Variants in TYW1 observed in about 807,000 individuals in gnomAD.
TYW1 encodes S-adenosyl-L-methionine-dependent tRNA 4-demethylwyosine synthase TYW1.
Under a neutral mutation model 96.2 loss-of-function variants are expected in TYW1, and 46 were observed. The observed-to-expected ratio is 0.48, with a 90% CI of 0.38 to 0.61. The LOEUF (loss-of-function observed/expected upper bound fraction) is 0.61, where lower values mean the gene tolerates loss of function less well. Among genes scored for constraint, TYW1 ranks in the 20% least tolerant of loss-of-function variants. The pLI is 0.00. For missense variants in TYW1, 684 were observed against 909.6 expected (o/e 0.75, Z 3.19); for synonymous variants, 274 against 323.0 (o/e 0.85, Z 1.63).
rs779910960 is a variant in TYW1, at chr7:67,209,376, G to A, written c.1977+14039G>A. Among the ~76,000 whole-genome samples, 4 of 152,136 alleles carry A rather than the reference G, an allele frequency of 2.6e-5. No homozygotes were observed. In the East Asian group the frequency reaches 5.8e-4, roughly 22 times the overall value. The stretch of plus-strand genomic sequence containing the variant: ...AATGTAACCTTGGTCCTATCAGTCT[G>A]GAAATTAATTAGACCATGACAATCC... On this transcript the variant is annotated intron_variant, in intron 15 of 15. Coordinates refer to ENST00000359626, the MANE Select transcript of TYW1 (RefSeq NM_018264.4).
intron 15 of TYW1, among the ~76,000 whole-genome samples, chr7:67,210,712 A>G (rs1800975478): frequency 1.1e-5 from 1 of 88,144 alleles, no homozygotes; most frequent in Admixed American, 1.1e-4. Context: ...CCATCCATTC[A>G]TCATCTGTAT....
At chr7:67,172,430 C>CTTTTTTTTTTTTTTTT (rs1554383811) in intron 13 of TYW1, among the ~76,000 whole-genome samples, 3 of 143,976 alleles carry the variant, frequency 2.1e-5, no homozygotes, top group Non-Finnish European at 4.6e-5. Context: ...CCTTACCATT[C>CTTTTTTTTTTTTTTTT]TTTTTTTTGA....
chr7:67,057,055 G>T, intron 9 of TYW1, among the ~76,000 whole-genome samples: 1 of 144,262 alleles, frequency 6.9e-6, no homozygotes. Context: ...TCGCTCTGTT[G>T]CCATCCTGGA....
intron 3 of TYW1, among the ~76,000 whole-genome samples, chr7:67,005,703 T>C (rs1209951505): frequency 3.3e-5 from 5 of 152,194 alleles, no homozygotes; most frequent in Admixed American, 2.6e-4. Context: ...CTGACTCCAG[T>C]GTACTCTCAA....
intron 15 of TYW1, among the ~76,000 whole-genome samples, chr7:67,224,152 A>G (rs1192227786): frequency 6.6e-6 from 1 of 152,180 alleles, no homozygotes; most frequent in Admixed American, 6.5e-5. Flanking sequence ...TTTGAGACAG[A>G]GTTTCGCTCT....
chr7:67,033,388 C>G (rs113034568), intron 7 of TYW1, among the ~76,000 whole-genome samples: 1 of 152,174 alleles, frequency 6.6e-6, no homozygotes, highest in Non-Finnish European at 1.5e-5. Flanking sequence ...AATTCCTACC[C>G]AGCAGCAGTG....
chr7:67,023,889 T>C (rs1794360656), intron 6 of TYW1, among the ~76,000 whole-genome samples: 1 of 152,210 alleles, frequency 6.6e-6, no homozygotes, highest in Non-Finnish European at 1.5e-5. Context: ...TTTCTTAACT[T>C]CTCTACCTTT....
chr7:67,108,443 CTTT>C (rs11433479), intron 12 of TYW1, among the ~76,000 whole-genome samples: 12 of 134,762 alleles, frequency 8.9e-5, no homozygotes, highest in Non-Finnish European at 1.3e-4. Context: ...CAGATTTTTT[CTTT>C]TTTTTTTTTT....
intron 15 of TYW1, among the ~76,000 whole-genome samples, chr7:67,231,447 G>T (rs1286434474): frequency 6.6e-6 from 1 of 152,146 alleles, no homozygotes; most frequent in Non-Finnish European, 1.5e-5. Context: ...TTCATTCACA[G>T]GAAACACAAC....
chr7:67,153,822 A>G (rs1179723756), intron 13 of TYW1, among the ~76,000 whole-genome samples: 1 of 152,032 alleles, frequency 6.6e-6, no homozygotes, highest in Non-Finnish European at 1.5e-5. Context: ...TTGTTTAACA[A>G]TATGTTTAAT....
At chr7:67,004,747 T>C (rs1793511689) in intron 3 of TYW1, among the ~76,000 whole-genome samples, 1 of 152,102 alleles carries the variant, frequency 6.6e-6, no homozygotes, top group South Asian at 2.1e-4. Context: ...ATGAAATTCT[T>C]GGTTGAAATT....
At chr7:67,075,828 T>C (rs1253399467) in intron 10 of TYW1, among the ~76,000 whole-genome samples, 6 of 152,216 alleles carry the variant, frequency 3.9e-5, no homozygotes. Context: ...AAAAGTGAAG[T>C]AGAGGCTCCT....
chr7:67,221,392 C>G (rs766053975), intron 15 of TYW1, among the ~76,000 whole-genome samples: 3 of 152,166 alleles, frequency 2.0e-5, no homozygotes, highest in Non-Finnish European at 4.4e-5. Flanking sequence ...GGGTTCAAAG[C>G]GAATCTATTG....
chr7:67,141,696 C>T (rs558430899), intron 13 of TYW1, among the ~76,000 whole-genome samples: 1 of 152,312 alleles, frequency 6.6e-6, no homozygotes, highest in East Asian at 1.9e-4. Context: ...TCTTTGCTTC[C>T]TCACTGTAAA....
intron 13 of TYW1, among the ~76,000 whole-genome samples, chr7:67,156,957 C>T (rs1212642221): frequency 2.0e-5 from 3 of 151,812 alleles, no homozygotes; most frequent in African/African-American, 7.3e-5. Flanking sequence ...CACTGGGGAC[C>T]TCTCACTTAC....
intron 13 of TYW1, among the ~76,000 whole-genome samples, chr7:67,167,669 T>C (rs1444707414): frequency 6.6e-6 from 1 of 152,112 alleles, no homozygotes; most frequent in African/African-American, 2.4e-5. Flanking sequence ...AAACAATCCT[T>C]TCCTGCCCTG....
intron 8 of TYW1, among the ~76,000 whole-genome samples, chr7:67,054,776 C>T (rs931729629): frequency 8.3e-4 from 126 of 152,226 alleles, no homozygotes; most frequent in African/African-American, 2.9e-3. Flanking sequence ...TCATGAGAAA[C>T]GGTATTGAAT....
chr7:67,104,587 C>G (rs1308051014), intron 12 of TYW1, among the ~76,000 whole-genome samples: 1 of 68,444 alleles, frequency 1.5e-5, no homozygotes. Flanking sequence ...CAGACTCTTT[C>G]TGACAGTTCT....
intron 10 of TYW1, among the ~76,000 whole-genome samples, chr7:67,079,545 T>C (rs544846792): frequency 5.9e-5 from 9 of 152,122 alleles, no homozygotes; most frequent in Admixed American, 5.2e-4. Context: ...TTTTAACAAA[T>C]GAACTTTCTG....
Sources: allele counts gnomAD v4.1 joint callset (sites outside exome capture counted in the v4.1 genomes callset), GRCh38; gene constraint gnomAD v4.1.1; transcripts MANE v1.5; gene names NCBI Gene and HGNC (gene_info 2026-07-23, HGNC 2026-07-21).